Variants in DMD observed in about 807,000 individuals in gnomAD.
DMD encodes the protein mutant dystrophin.
In DMD, 63 loss-of-function variants were observed where a neutral mutation model predicts 330.1. That is an observed-to-expected ratio of 0.19 (90% CI 0.16 to 0.24). The LOEUF (loss-of-function observed/expected upper bound fraction) is 0.24. Ranked by LOEUF, DMD falls within the 10% of genes least tolerant of loss-of-function variation. The pLI is 1.00. For missense variants in DMD, 3,344 were observed against 2,684.1 expected, an observed-to-expected ratio of 1.25 and a Z score of -5.43; for synonymous variants, 1,223 against 959.8, an observed-to-expected ratio of 1.27 and a Z score of -5.07.
intron 43 of DMD, among the ~76,000 whole-genome samples, chrX:32,239,071 T>C (rs528923544): frequency 1.8e-5 from 2 of 111,950 alleles, no homozygotes; most frequent in African/African-American, 6.5e-5. Context: ...TAATTCTTGG[T>C]TGTGGATGGC....
intron 1 of DMD, among the ~76,000 whole-genome samples, chrX:33,289,284 A>T (rs1260244005): frequency 9.0e-6 from 1 of 110,809 alleles, no homozygotes; most frequent in African/African-American, 3.3e-5. Context: ...TCATTCACAG[A>T]AGAGCCCTAA....
intron 7 of DMD, among the ~76,000 whole-genome samples, chrX:32,738,073 G>T (rs889633914): frequency 9.0e-6 from 1 of 111,698 alleles, no homozygotes; most frequent in African/African-American, 3.2e-5. Context: ...TTAAGGTAAT[G>T]AGACTAGAGC....
At chrX:32,370,035 T>C (rs909793411) in intron 34 of DMD, among the ~76,000 whole-genome samples, 1 of 111,288 alleles carries the variant, frequency 9.0e-6, no homozygotes, top group Non-Finnish European at 1.9e-5. Context: ...GCAAATATTA[T>C]ACCATTTCTG....
chrX:33,337,764 T>A, intron 1 of DMD, among the ~76,000 whole-genome samples: 1 of 112,025 alleles, frequency 8.9e-6, no homozygotes, highest in East Asian at 2.8e-4. Context: ...AAATACATGT[T>A]GTTTTTAACT....
chrX:31,252,378 A>G (rs2049464463), intron 63 of DMD, among the ~76,000 whole-genome samples: 1 of 112,099 alleles, frequency 8.9e-6, no homozygotes, highest in African/African-American at 3.2e-5. Flanking sequence ...TCCTTTGAGA[A>G]CAGAGAACTC....
At chrX:33,041,514 G>A in intron 1 of DMD, 1 of 1,206,951 alleles carries the variant, frequency 8.3e-7, no homozygotes, top group South Asian at 1.8e-5. Context: ...TTGAAAAAAT[G>A]AGAGCTGAAG....
In DMD at chrX:32,233,598, CTTTTATTT is replaced by C. The variant is rs1346640117; in HGVS notation, c.6291-16543_6291-16536del. ...CCACTTCCTGGTACAATTTCTTTTTCTTTTATTTATTTATTTATTTATTTATTTATTTA... is the reference window on the plus strand; with the variant it reads ...CCACTTCCTGGTACAATTTCTTTTTCATTTATTTATTTATTTATTTATTTA... On this transcript the variant is annotated intron_variant, in intron 43 of 78. Transcript: ENST00000357033. Among the ~76,000 whole-genome samples, 146 of 93,795 alleles carry C rather than the reference CTTTTATTT, an allele frequency of 1.6e-3. 1 individual carries two copies. The highest frequency in any genetic ancestry group is 9.0e-3 in the East Asian group (27 of 3,016). 81.4% of individuals were successfully genotyped at this position (93,795 alleles called of 115,157 possible). A position where few individuals can be genotyped will look rare whatever the true frequency, so the allele number is the denominator to read the frequency against.
chrX:32,334,668 AT>A (rs1168433972), intron 41 of DMD, among the ~76,000 whole-genome samples: 1 of 111,246 alleles, frequency 9.0e-6, no homozygotes, highest in Non-Finnish European at 1.9e-5. Flanking sequence ...TGTTCTTCCC[AT>A]TTTTTTCTAA....
At chrX:32,701,978 T>G (rs993694803) in intron 7 of DMD, among the ~76,000 whole-genome samples, 9 of 112,033 alleles carry the variant, frequency 8.0e-5, no homozygotes, top group African/African-American at 2.9e-4. Flanking sequence ...CTTCTGAGAT[T>G]ATGTGGAATT....
intron 47 of DMD, among the ~76,000 whole-genome samples, chrX:31,897,980 A>G (rs2094368171): frequency 9.0e-6 from 1 of 110,859 alleles, no homozygotes; most frequent in Non-Finnish European, 1.9e-5. Flanking sequence ...TTGGTGTTTT[A>G]GACATGAAGT....
intron 1 of DMD, among the ~76,000 whole-genome samples, chrX:33,252,637 T>C (rs1168367302): frequency 9.0e-6 from 1 of 110,882 alleles, no homozygotes; most frequent in African/African-American, 3.3e-5. Context: ...AGGTGACTCA[T>C]CACATCCTGG....
chrX:31,585,405 T>C (rs2076550960), intron 55 of DMD, among the ~76,000 whole-genome samples: 1 of 108,647 alleles, frequency 9.2e-6, no homozygotes, highest in Non-Finnish European at 1.9e-5. Context: ...GGGACCCGAC[T>C]TGCCGAACCA....
At chrX:32,558,973 C>T (rs1167324821) in intron 16 of DMD, among the ~76,000 whole-genome samples, 2 of 58,203 alleles carry the variant, frequency 3.4e-5, no homozygotes, top group African/African-American at 2.6e-4. Flanking sequence ...TTTTTTGAGA[C>T]GAAGTCTCGC....
chrX:31,802,041 T>G (rs1337252136), intron 50 of DMD, among the ~76,000 whole-genome samples: 1 of 111,279 alleles, frequency 9.0e-6, no homozygotes, highest in Non-Finnish European at 1.9e-5. Flanking sequence ...ATAAGCACTT[T>G]CATAAGCAAA....
intron 1 of DMD, among the ~76,000 whole-genome samples, chrX:33,172,820 T>A (rs1312380374): frequency 9.0e-6 from 1 of 111,517 alleles, no homozygotes; most frequent in Admixed American, 9.6e-5. Flanking sequence ...TACAAATAAT[T>A]TTTTTCTCAA....
intron 4 of DMD, among the ~76,000 whole-genome samples, chrX:32,827,754 GA>G (rs2078844467): frequency 9.4e-6 from 1 of 106,341 alleles, no homozygotes; most frequent in Non-Finnish European, 1.9e-5. Flanking sequence ...TCCGCCTCCC[GA>G]GTTTCAAGCG....
chrX:32,391,242 G>A (rs2098000094), intron 30 of DMD, among the ~76,000 whole-genome samples: 1 of 111,303 alleles, frequency 9.0e-6, no homozygotes, highest in Non-Finnish European at 1.9e-5. Context: ...AATTATACCA[G>A]AGTGCCCATA....
intron 6 of DMD, among the ~76,000 whole-genome samples, chrX:32,812,879 C>T (rs939244856): frequency 2.7e-5 from 3 of 111,384 alleles, no homozygotes; most frequent in Admixed American, 1.9e-4. Context: ...GTTCACTATG[C>T]GCACTCTGCC....
intron 48 of DMD, among the ~76,000 whole-genome samples, chrX:31,864,713 A>G (rs757428425): frequency 9.2e-6 from 1 of 108,776 alleles, no homozygotes; most frequent in Non-Finnish European, 1.9e-5. Context: ...CTGATCTCAA[A>G]CTCCCAAGCT....
Sources: allele counts gnomAD v4.1 joint callset (sites outside exome capture counted in the v4.1 genomes callset), GRCh38; gene constraint gnomAD v4.1.1; transcripts MANE v1.5; gene names NCBI Gene and HGNC (gene_info 2026-07-23, HGNC 2026-07-21).